Variants in DENND1A observed in about 807,000 individuals in gnomAD.
DENND1A encodes the protein DENN domain-containing protein 1A.
In DENND1A, 51 loss-of-function variants were observed where a neutral mutation model predicts 113.7. That is an observed-to-expected ratio of 0.45 (90% confidence interval 0.36 to 0.57). The LOEUF (loss-of-function observed/expected upper bound fraction) is 0.57, where lower values mean the gene tolerates loss of function less well. Ranked by LOEUF, DENND1A falls within the 20% of genes least tolerant of loss-of-function variation. DENND1A has a pLI of 0.00. For missense variants in DENND1A, 1,258 were observed against 1,395.9 expected (o/e 0.90, Z 1.57); for synonymous variants, 565 against 570.8 (o/e 0.99, Z 0.14).
intron 5 of DENND1A, among the ~76,000 whole-genome samples, chr9:123,736,711 C>G (rs2068592033): frequency 6.6e-6 from 1 of 152,140 alleles, no homozygotes; most frequent in Non-Finnish European, 1.5e-5. Context: ...GGCAATAAAG[C>G]CCTAATGAGC....
At chr9:123,917,061 G>A (rs988463148) in intron 1 of DENND1A, among the ~76,000 whole-genome samples, 26 of 151,904 alleles carry the variant, frequency 1.7e-4, no homozygotes, top group African/African-American at 5.3e-4. Context: ...GCAGTTACCC[G>A]TAGTCCCAGG....
chr9:123,479,650 C>T (rs535235044), intron 13 of DENND1A, among the ~76,000 whole-genome samples: 5 of 152,338 alleles, frequency 3.3e-5, no homozygotes, highest in Admixed American at 6.5e-5. Flanking sequence ...AGAGAAGTGG[C>T]CCCAAGAGAG....
At position 123,410,290 on chromosome 9, in the gene DENND1A, C is replaced by A. The variant is rs552843012; in HGVS notation, c.1542+1486G>T. On this transcript the variant is annotated intron_variant, in intron 20 of 23. Coordinates refer to ENST00000394215, the MANE Select transcript of DENND1A (RefSeq NM_001352964.2). ...GCCTAGCTCTGTCGGCCCCCCAAATCTGTACTGAAACTCTCACTAGTCACA... is the reference window on the plus strand; with the variant it reads ...GCCTAGCTCTGTCGGCCCCCCAAATATGTACTGAAACTCTCACTAGTCACA... Among the ~76,000 whole-genome samples, 17 of 152,330 alleles carry A rather than the reference C, an allele frequency of 1.1e-4. No individual in the cohort carries two copies. The South Asian group carries it at 3.5e-3, about 32-fold the overall frequency.
rs1402842086 is a variant in DENND1A at position 123,609,583 on chromosome 9, G to A, written c.720-102C>T. On this transcript the variant is annotated intron_variant, in intron 10 of 23. Transcript: ENST00000394215. ...TTGGAGAAAAACTGTTTTAATAAAC[G>A]TATGCATAGTTACATTTCCTTTCAC... The A allele has an allele frequency of 1.5e-5, 19 of 1,277,872 alleles. 1 individual carries two copies. The East Asian group carries it at 2.5e-4, about 17-fold the overall frequency. 79.2% of individuals were successfully genotyped at this position (1,277,872 alleles called of 1,614,324 possible).
rs180789070 is a variant in DENND1A, at chr9:123,522,001, A to G, written c.993+35569T>C. On this transcript the variant is annotated intron_variant, in intron 13 of 23. Coordinates refer to ENST00000394215, the MANE Select transcript of DENND1A (RefSeq NM_001352964.2). ...TTTCTTCTAATATCAGTTCTCCCCAATTACATTCAGGTTAAAACCAGAAGT... is the reference window on the plus strand; with the variant it reads ...TTTCTTCTAATATCAGTTCTCCCCAGTTACATTCAGGTTAAAACCAGAAGT... 1.3e-3 allele frequency among the ~76,000 whole-genome samples: 205 copies of G among 152,306 alleles called. 1 individual carries two copies. Among genetic ancestry groups the G allele is most frequent in the African/African-American group, 4.3e-3 (180 of 41,570 alleles).
At position 123,381,373 on chromosome 9, in the gene DENND1A, A is replaced by C; in HGVS notation, c.*59T>G. The C allele has an allele frequency of 7.4e-6, 11 of 1,483,752 alleles. No individual in the cohort carries two copies. Among genetic ancestry groups the C allele is most frequent in the Non-Finnish European group, 1.0e-5 (11 of 1,096,952 alleles). 91.9% of individuals were successfully genotyped at this position (1,483,752 alleles called of 1,614,324 possible). ...AGAGAGAGTGGCGGGGGAGCCTCGG[A>C]ACCGCAGCAGTGGACGGACCCTCGG... On this transcript the variant is annotated 3_prime_UTR_variant, in exon 24 of 24. Transcript: ENST00000394215. The surrounding 1 kb of genome is among the most constrained non-coding windows in gnomAD (Gnocchi z 4.7).
At chr9:123,428,876 T>C (rs539634076) in intron 19 of DENND1A, among the ~76,000 whole-genome samples, 6 of 152,168 alleles carry the variant, frequency 3.9e-5, no homozygotes, top group Non-Finnish European at 8.8e-5. Flanking sequence ...AAACCACTGC[T>C]CAAGGAAATA....
intron 1 of DENND1A, among the ~76,000 whole-genome samples, chr9:123,884,243 T>C (rs910083102): frequency 6.6e-6 from 1 of 152,132 alleles, no homozygotes; most frequent in African/African-American, 2.4e-5. Flanking sequence ...CTCTTCAAGA[T>C]GTTTAATATT....
At chr9:123,441,647 C>T (rs892197616) in intron 18 of DENND1A, among the ~76,000 whole-genome samples, 6 of 152,080 alleles carry the variant, frequency 3.9e-5, no homozygotes, top group Non-Finnish European at 7.4e-5. Context: ...ATAAGGGTCC[C>T]GTGTTTTATT....
At chr9:123,459,457 G>T (rs1484195146) in intron 13 of DENND1A, among the ~76,000 whole-genome samples, 2 of 151,766 alleles carry the variant, frequency 1.3e-5, no homozygotes, top group Non-Finnish European at 2.9e-5. Flanking sequence ...CTATCCAATC[G>T]ATTTTATGCT....
chr9:123,532,488 T>C (rs1467389142), intron 13 of DENND1A, among the ~76,000 whole-genome samples: 1 of 152,244 alleles, frequency 6.6e-6, no homozygotes, highest in Non-Finnish European at 1.5e-5. Flanking sequence ...CCAGCTATTT[T>C]GTAGAATGTC....
chr9:123,563,959 A>G (rs1190667276), intron 12 of DENND1A, among the ~76,000 whole-genome samples: 1 of 152,218 alleles, frequency 6.6e-6, no homozygotes, highest in African/African-American at 2.4e-5. Flanking sequence ...TTCTCAGGGC[A>G]TGATGGCCTA....
intron 5 of DENND1A, chr9:123,751,082 C>A (rs1466352833): frequency 6.6e-6 from 1 of 152,148 alleles, no homozygotes; most frequent in African/African-American, 2.4e-5. Context: ...GAAACAGAGT[C>A]CTTTGATTTT....
chr9:123,399,086 G>A lies in DENND1A; in HGVS notation c.1631+4316C>T, dbSNP rs943932026. Among the ~76,000 whole-genome samples, 6 of 152,224 alleles carry A rather than the reference G, an allele frequency of 3.9e-5. No homozygotes were observed. The East Asian group carries it at 5.8e-4, about 15-fold the overall frequency. ...GCTGGGATTACAGGTGTGAGCCACC[G>A]CGCCCGGCCGTGGCCTGCTTTTAAT... On this transcript the variant is annotated intron_variant, in intron 21 of 23. Transcript: ENST00000394215.
chr9:123,893,283 G>C (rs1850209376), intron 1 of DENND1A, among the ~76,000 whole-genome samples: 1 of 152,226 alleles, frequency 6.6e-6, no homozygotes, highest in Non-Finnish European at 1.5e-5. Context: ...TTTGGCTCCA[G>C]AGTCCATGTC....
intron 1 of DENND1A, among the ~76,000 whole-genome samples, chr9:123,882,023 G>C (rs1848381767): frequency 6.6e-6 from 1 of 151,916 alleles, no homozygotes; most frequent in Non-Finnish European, 1.5e-5. Context: ...TACCTCACTG[G>C]CTACTCCTTT....
chr9:123,646,294 A>G (rs1157826396), intron 9 of DENND1A, among the ~76,000 whole-genome samples: 1 of 152,136 alleles, frequency 6.6e-6, no homozygotes, highest in Non-Finnish European at 1.5e-5. Context: ...ACTGAATCCT[A>G]ATGGAAGACT....
At chr9:123,711,495 ATATATATATGTATATATG>A (rs1302944098) in intron 5 of DENND1A, among the ~76,000 whole-genome samples, 13 of 103,200 alleles carry the variant, frequency 1.3e-4, no homozygotes, top group African/African-American at 4.2e-4. Context: ...AAATATATAT[ATATATATATGTATATATG>A]TATATATATA....
At chr9:123,826,575 T>C (rs1451959817) in intron 2 of DENND1A, among the ~76,000 whole-genome samples, 1 of 152,128 alleles carries the variant, frequency 6.6e-6, no homozygotes, top group African/African-American at 2.4e-5. Context: ...TCACACCACA[T>C]TCCATGATAC....
Sources: gnomAD v4.1 joint callset for allele counts (sites outside exome capture counted in the v4.1 genomes callset) on GRCh38, gnomAD v4.1.1 for gene constraint, Gnocchi (gnomAD v3.1) non-coding constraint, MANE v1.5 for transcripts, NCBI Gene and HGNC (gene_info 2026-07-23, HGNC 2026-07-21) for gene names.